MYO18B: variants seen among roughly 807,000 people sequenced by gnomAD.
MYO18B encodes unconventional myosin-XVIIIb.
A neutral mutation model predicts 273.0 loss-of-function variants in MYO18B; 204 were observed. The ratio of observed to expected loss-of-function variants is 0.75; its 90% confidence interval spans 0.67 to 0.84. The LOEUF (loss-of-function observed/expected upper bound fraction) is 0.84, where lower values mean the gene tolerates loss of function less well. Among genes scored for constraint, MYO18B ranks in the 40% least tolerant of loss-of-function variants. MYO18B has a pLI of 0.00. For missense variants in MYO18B, 3,212 were observed against 3,287.6 expected, an observed-to-expected ratio of 0.98 and a Z score of 0.56; for synonymous variants, 1,330 against 1,305.7, an observed-to-expected ratio of 1.02 and a Z score of -0.40.
intron 34 of MYO18B, among the ~76,000 whole-genome samples, chr22:25,930,553 C>T (rs1166982422): frequency 1.3e-5 from 2 of 151,526 alleles, no homozygotes; most frequent in East Asian, 3.9e-4. Context: ...CCCTGTCATC[C>T]AGGCTGGAGT....
At chr22:26,003,350 G>A (rs1934149017) in intron 41 of MYO18B, 41 bp downstream of exon 41, 1 of 1,570,366 alleles carries the variant, frequency 6.4e-7, no homozygotes, top group African/African-American at 1.3e-5. Context: ...TCACAAGGGT[G>A]AGCCCCTGGC....
intron 21 of MYO18B, among the ~76,000 whole-genome samples, chr22:25,856,261 G>A (rs2146077629): frequency 6.6e-6 from 1 of 152,258 alleles, no homozygotes; most frequent in African/African-American, 2.4e-5. Flanking sequence ...GTGTCTCAAT[G>A]TGGTTTTGAT....
At chr22:25,743,070 G>A (rs1321635065) in intron 1 of MYO18B, among the ~76,000 whole-genome samples, 1 of 152,260 alleles carries the variant, frequency 6.6e-6, no homozygotes, top group African/African-American at 2.4e-5. Context: ...CATGGAGGAG[G>A]CCAGGAGTGG....
At chr22:25,880,115 G>A (rs1224067442) in intron 25 of MYO18B, among the ~76,000 whole-genome samples, 1 of 152,186 alleles carries the variant, frequency 6.6e-6, no homozygotes, top group Non-Finnish European at 1.5e-5. Flanking sequence ...CCAAAGAGGA[G>A]CTTTTCGACG....
chr22:26,019,305 C>T (rs1197831326), intron 42 of MYO18B, among the ~76,000 whole-genome samples: 1 of 152,174 alleles, frequency 6.6e-6, no homozygotes, highest in Non-Finnish European at 1.5e-5. Context: ...CAGTTGGGAG[C>T]CATGGGCCTG....
intron 12 of MYO18B, among the ~76,000 whole-genome samples, chr22:25,820,821 G>A (rs556928722): frequency 5.3e-5 from 8 of 151,674 alleles, no homozygotes; most frequent in Non-Finnish European, 8.8e-5. Context: ...CTCCCTATCC[G>A]CCCACTTACC....
In MYO18B at chr22:25,992,153, G is replaced by A. The variant is rs916423; in HGVS notation, c.6157-210G>A. ...CAAGCTCTGTGTGCCATGCCCTGGAGTATCTATTCCCTCCTCTATGAAACT... is the reference window on the plus strand; with the variant it reads ...CAAGCTCTGTGTGCCATGCCCTGGAATATCTATTCCCTCCTCTATGAAACT... On this transcript the variant is annotated intron_variant, in intron 39 of 43. Transcript: ENST00000335473. Among the ~76,000 whole-genome samples, 24,075 of 152,234 alleles carry A rather than the reference G, an allele frequency of 0.16. 2,064 individuals are homozygous for A. The highest frequency in any genetic ancestry group is 0.19 in the Middle Eastern group (56 of 294).
chr22:26,045,238 G>A, the MYO18B span, among the ~76,000 whole-genome samples: 1 of 152,116 alleles, frequency 6.6e-6, no homozygotes, highest in East Asian at 1.9e-4. Context: ...CCTGGAGCAT[G>A]GCTGAGTCAC....
chr22:25,952,485 C>T (rs2092804314), intron 38 of MYO18B, 62 bp downstream of exon 38: 1 of 1,589,308 alleles, frequency 6.3e-7, no homozygotes, highest in Admixed American at 1.7e-5. Flanking sequence ...GTGTAAGCTT[C>T]ATCCATCCTT....
At chr22:25,832,383 G>A (rs9620562) in intron 15 of MYO18B, among the ~76,000 whole-genome samples, 41,223 of 151,950 alleles carry the variant, frequency 0.27, 6,673 homozygotes, top group Non-Finnish European at 0.35. Context: ...CGATGGACAA[G>A]CAAAATGAGA....
intron 39 of MYO18B, among the ~76,000 whole-genome samples, chr22:25,966,329 C>CT (rs1210099422): frequency 6.6e-6 from 1 of 152,200 alleles, no homozygotes; most frequent in African/African-American, 2.4e-5. Context: ...CCCCTTCCAT[C>CT]TACTTACTCC....
chr22:25,949,278 C>G (rs1174539620), intron 36 of MYO18B, among the ~76,000 whole-genome samples: 1 of 152,166 alleles, frequency 6.6e-6, no homozygotes, highest in Non-Finnish European at 1.5e-5. Context: ...CTCAGTAAAT[C>G]ACTGTTGAAT....
chr22:26,052,810 T>G, the MYO18B span, among the ~76,000 whole-genome samples: 2 of 150,192 alleles, frequency 1.3e-5, no homozygotes, highest in South Asian at 2.1e-4. Context: ...TTTTTTTGGT[T>G]TTTTTTTTTT....
At chr22:25,914,806 C>A (rs1054088935) in intron 33 of MYO18B, among the ~76,000 whole-genome samples, 1 of 138,538 alleles carries the variant, frequency 7.2e-6, no homozygotes, top group Non-Finnish European at 1.5e-5. Context: ...ACGCTATTCT[C>A]CTGCCTCAGC....
intron 42 of MYO18B, among the ~76,000 whole-genome samples, chr22:26,019,793 TGA>T (rs1300278827): frequency 1.3e-5 from 2 of 152,132 alleles, no homozygotes; most frequent in Non-Finnish European, 2.9e-5. Flanking sequence ...AAATCTGCAT[TGA>T]GTTTCCTGTA....
intron 42 of MYO18B, among the ~76,000 whole-genome samples, chr22:26,014,101 A>T (rs1223615922): frequency 6.6e-6 from 1 of 152,032 alleles, no homozygotes; most frequent in African/African-American, 2.4e-5. Flanking sequence ...GTATTTTCTT[A>T]TTTTTTGTAG....
chr22:25,784,231 TCC>T (rs2087282820), intron 10 of MYO18B, among the ~76,000 whole-genome samples: 1 of 152,224 alleles, frequency 6.6e-6, no homozygotes, highest in Admixed American at 6.5e-5. Flanking sequence ...CTTTCTGCTT[TCC>T]CAGTACCTAG....
chr22:25,793,924 A>G (rs1450778858), intron 11 of MYO18B, among the ~76,000 whole-genome samples: 2 of 151,796 alleles, frequency 1.3e-5, no homozygotes, highest in African/African-American at 2.4e-5. Context: ...TCTCTCTCCC[A>G]TATTCTTTGT....
At position 25,950,462 on chromosome 22, in the gene MYO18B, G is replaced by A. The variant is rs1309677255; in HGVS notation, c.5832+12G>A. On this transcript the variant is annotated intron_variant, in intron 37 of 43. Transcript: ENST00000335473. The stretch of plus-strand genomic sequence containing the variant: ...AGCTACAAGAACAAGTATGTGCTCA[G>A]AGCCATCCTATAGTTGTATTAGTCA... 2 of 1,591,710 alleles carry A rather than the reference G, an allele frequency of 1.3e-6. No homozygotes were observed. Among genetic ancestry groups the A allele is most frequent in the Non-Finnish European group, 1.7e-6 (2 of 1,168,884 alleles).
Sources: gnomAD v4.1 joint callset for allele counts (sites outside exome capture counted in the v4.1 genomes callset) on GRCh38, gnomAD v4.1.1 for gene constraint, MANE v1.5 for transcripts, NCBI Gene and HGNC (gene_info 2026-07-23, HGNC 2026-07-21) for gene names.